Variants in CTR9 observed in about 807,000 individuals in gnomAD.
The protein encoded by CTR9 is RNA polymerase-associated protein CTR9 homolog.
Under a neutral mutation model 152.1 loss-of-function variants are expected in CTR9, and 41 were observed. The ratio of observed to expected loss-of-function variants is 0.27; its 90% CI spans 0.21 to 0.35. The LOEUF is 0.35. Among genes scored for constraint, CTR9 ranks in the 10% least tolerant of loss-of-function variants. The probability of loss-of-function intolerance (pLI) is 1.00; values close to 1 mark genes in which losing one functional copy is unlikely to be tolerated. For missense variants in CTR9, 917 were observed against 1,424.4 expected, an observed-to-expected ratio of 0.64 and a Z score of 5.73; for synonymous variants, 476 against 496.2, an observed-to-expected ratio of 0.96 and a Z score of 0.54.
intron 20 of CTR9, 77 bp from the exon 21 acceptor site, chr11:10,773,050 C>A: frequency 6.6e-7 from 1 of 1,504,198 alleles, no homozygotes; most frequent in Non-Finnish European, 9.0e-7. Flanking sequence ...AAATCCTCTG[C>A]TTAGGATGGT....
intron 24 of CTR9, among the ~76,000 whole-genome samples, chr11:10,777,474 C>T (rs147936829): frequency 3.3e-5 from 5 of 152,230 alleles, no homozygotes; most frequent in African/African-American, 1.2e-4. Flanking sequence ...ATTGTTTTTC[C>T]GTAAAGCACT....
intron 19 of CTR9, 139 bp from the exon 20 acceptor site, chr11:10,772,381 A>AT (rs1426009437): frequency 9.6e-6 from 7 of 731,842 alleles, no homozygotes; most frequent in Admixed American, 4.3e-5. Flanking sequence ...GAAAAAAAAC[A>AT]TTTTTTTAAA....
intron 23 of CTR9, 41 bp from the exon 24 acceptor site, chr11:10,775,480 G>A: frequency 6.5e-7 from 1 of 1,536,096 alleles, no homozygotes; most frequent in Non-Finnish European, 9.0e-7. Context: ...ATGGCCTAAT[G>A]TAAGAGTCTT....
At position 10,770,430 on chromosome 11, in the gene CTR9, G is replaced by C. The variant is rs746630235; in HGVS notation, c.2227-57G>C. The C allele has an allele frequency of 2.5e-6, 4 of 1,592,446 alleles. No individual in the cohort carries two copies. The East Asian group carries it at 8.9e-5, about 36-fold the overall frequency. ...ACCTACTACTTAATAATACTCTGCT[G>C]TCTAAGATCCTTTTCATGTCATTTG... On this transcript the variant is annotated intron_variant, in intron 17 of 24. Coordinates refer to ENST00000361367, the MANE Select transcript of CTR9 (RefSeq NM_014633.5).
rs372241498 is a variant in CTR9, at chr11:10,770,456, A to G, written c.2227-31A>G. 2.4e-5 allele frequency: 38 copies of G among 1,603,560 alleles called. No individual in the cohort carries two copies. In the African/African-American group the frequency reaches 4.4e-4, roughly 19 times the overall value. On this transcript the variant is annotated intron_variant, in intron 17 of 24. Coordinates refer to ENST00000361367, the MANE Select transcript of CTR9 (RefSeq NM_014633.5). The stretch of plus-strand genomic sequence containing the variant: ...TCTAAGATCCTTTTCATGTCATTTG[A>G]ACATATGAAATATTTATTTTTTATT...
chr11:10,765,146 G>A (rs571033019), intron 12 of CTR9, among the ~76,000 whole-genome samples: 67 of 152,060 alleles, frequency 4.4e-4, no homozygotes, highest in Non-Finnish European at 6.6e-4. Context: ...TTTGAGTTTC[G>A]CAACCTATAC....
intron 19 of CTR9, among the ~76,000 whole-genome samples, chr11:10,772,084 AGT>A (rs1863151541): frequency 6.6e-6 from 1 of 152,130 alleles, no homozygotes; most frequent in African/African-American, 2.4e-5. Flanking sequence ...GGCTGGGCGC[AGT>A]GGCTCACACC....
chr11:10,774,383 A>G, intron 22 of CTR9: 1 of 417,086 alleles, frequency 2.4e-6, no homozygotes, highest in Non-Finnish European at 4.3e-6. Flanking sequence ...CTTTCCTTCT[A>G]AGCGCTGCAA....
At chr11:10,761,422 C>G (rs544983274) in intron 6 of CTR9, among the ~76,000 whole-genome samples, 1 of 151,684 alleles carries the variant, frequency 6.6e-6, no homozygotes, top group Non-Finnish European at 1.5e-5. Context: ...ATCAGTCACA[C>G]GAAGAAAACA....
At chr11:10,769,107 G>A (rs537823975) in intron 16 of CTR9, among the ~76,000 whole-genome samples, 3 of 152,170 alleles carry the variant, frequency 2.0e-5, no homozygotes, top group East Asian at 3.9e-4. Context: ...TGTAATCCCA[G>A]CTTACTCAGG....
chr11:10,758,430 A>G (rs530988079), intron 5 of CTR9, among the ~76,000 whole-genome samples: 12 of 152,294 alleles, frequency 7.9e-5, no homozygotes, highest in Admixed American at 6.5e-4. Flanking sequence ...TGTATTTTGA[A>G]AGGAGAGCTG....
intron 16 of CTR9, among the ~76,000 whole-genome samples, chr11:10,769,291 C>T (rs574110018): frequency 6.6e-6 from 1 of 152,248 alleles, no homozygotes; most frequent in East Asian, 1.9e-4. Context: ...TTTATGCTTA[C>T]ATTTGTTGAG....
chr11:10,760,075 G>C, intron 5 of CTR9, 98 bp from the exon 6 acceptor site: 1 of 1,360,634 alleles, frequency 7.3e-7, no homozygotes, highest in Non-Finnish European at 1.0e-6. Context: ...TTAATTTTGG[G>C]GATTTTGCAA....
chr11:10,765,158 T>A (rs1863040444), intron 12 of CTR9, among the ~76,000 whole-genome samples: 1 of 152,174 alleles, frequency 6.6e-6, no homozygotes, highest in South Asian at 2.1e-4. Context: ...AACCTATACG[T>A]TATAAAATAA....
chr11:10,772,633 G>A lies in CTR9; in HGVS notation c.2558G>A (p.Arg853Lys), dbSNP rs912164359. 6.2e-7 allele frequency: 1 copy of A among 1,602,174 alleles called. No homozygotes were observed. Among genetic ancestry groups the A allele is most frequent in the Non-Finnish European group, 8.5e-7 (1 of 1,176,250 alleles). Reference protein sequence around the residue: ...AKQEQEKELLRQKLLKEQEEK... With the variant: ...AKQEQEKELLKQKLLKEQEEK... ...CAAGAGCAAGAAAAGGAGCTGTTAA[G>A]GCAGAAACTTCTTAAAGAACAGGTA... Residue 853 changes from arginine (R) to lysine (K), a missense_variant, in exon 20 of 25, where the codon AGG (arginine) becomes AAG (lysine). Arg to Lys is a conservative substitution (Grantham distance 26, BLOSUM62 2). Around this residue, in one of 9 missense-constraint regions of CTR9, gnomAD observed 384 missense variants for 398.4 expected, o/e 0.96. Transcript: ENST00000361367.
intron 2 of CTR9, among the ~76,000 whole-genome samples, chr11:10,754,151 A>G (rs72853077): frequency 0.1 from 15,742 of 152,242 alleles, 1,074 homozygotes; most frequent in African/African-American, 0.2. Context: ...GATTACAGGT[A>G]CATACCACCA....
At chr11:10,758,224 T>G (rs1028958593) in intron 5 of CTR9, among the ~76,000 whole-genome samples, 9 of 151,924 alleles carry the variant, frequency 5.9e-5, no homozygotes, top group African/African-American at 2.2e-4. Context: ...GGCAGCAGAG[T>G]GACGTGATCT....
At chr11:10,768,313 T>G (rs774266716) in intron 15 of CTR9, 30 bp from the exon 16 acceptor site, 1 of 1,595,136 alleles carries the variant, frequency 6.3e-7, no homozygotes, top group Non-Finnish European at 8.5e-7. Context: ...ATTAGAAAAT[T>G]GTTAAGTGTG....
intron 24 of CTR9, among the ~76,000 whole-genome samples, chr11:10,777,889 G>A (rs1662714825): frequency 6.6e-6 from 1 of 152,190 alleles, no homozygotes; most frequent in Non-Finnish European, 1.5e-5. Flanking sequence ...ACTAAGGAAC[G>A]TGCCAGAGAA....
Sources: allele counts gnomAD v4.1 joint callset (sites outside exome capture counted in the v4.1 genomes callset), GRCh38; gene constraint gnomAD v4.1.1; regional missense constraint gnomAD v4.1.1; transcripts MANE v1.5; gene names NCBI Gene and HGNC (gene_info 2026-07-23, HGNC 2026-07-21).